The following DCC variants were observed in gnomAD, a reference collection of about 807,000 sequenced individuals.
DCC encodes netrin receptor DCC.
DCC carries 58 observed loss-of-function variants against 172.5 expected under a neutral mutation model. That is an observed-to-expected ratio of 0.34 (90% CI 0.27 to 0.42). DCC has a LOEUF of 0.42. Ranked by LOEUF, DCC falls within the 10% of genes least tolerant of loss-of-function variation. The probability of loss-of-function intolerance (pLI) is 1.00; values close to 1 mark genes in which losing one functional copy is unlikely to be tolerated. For synonymous variants in DCC, 709 were observed against 644.5 expected, an observed-to-expected ratio of 1.10 and a Z score of -1.52; for missense variants, 1,740 against 1,791.0, an observed-to-expected ratio of 0.97 and a Z score of 0.51.
At chr18:52,738,745 GTT>G (rs576773481) in intron 1 of DCC, among the ~76,000 whole-genome samples, 4 of 138,676 alleles carry the variant, frequency 2.9e-5, no homozygotes, top group Admixed American at 7.2e-5. Flanking sequence ...TTCTTTCTTT[GTT>G]TTTTTTTTTT....
intron 21 of DCC, among the ~76,000 whole-genome samples, chr18:53,423,032 C>A (rs13381096): frequency 0.31 from 47,299 of 151,902 alleles, 9,033 homozygotes; most frequent in Non-Finnish European, 0.45. Flanking sequence ...ATGTTCCCAG[C>A]AAGCAGTCAA....
intron 3 of DCC, among the ~76,000 whole-genome samples, chr18:52,919,676 A>G (rs1464345118): frequency 6.6e-6 from 1 of 151,912 alleles, no homozygotes; most frequent in Non-Finnish European, 1.5e-5. Context: ...TGCCTGGACC[A>G]CTGATATTTT....
chr18:52,747,307 A>G (rs986904271), intron 1 of DCC, among the ~76,000 whole-genome samples: 2 of 152,182 alleles, frequency 1.3e-5, no homozygotes, highest in Admixed American at 1.3e-4. Flanking sequence ...TTTATGAAGC[A>G]AGGCTTGGAA....
At chr18:52,707,845 C>A (rs2036233910) in intron 1 of DCC, among the ~76,000 whole-genome samples, 1 of 152,056 alleles carries the variant, frequency 6.6e-6, no homozygotes, top group East Asian at 1.9e-4. Flanking sequence ...TAGTGGCTAC[C>A]AGACCCTGGG....
At chr18:52,469,421 A>G (rs1027803223) in intron 1 of DCC, among the ~76,000 whole-genome samples, 3 of 152,214 alleles carry the variant, frequency 2.0e-5, no homozygotes, top group African/African-American at 7.2e-5. Flanking sequence ...ATTAGCCAAC[A>G]GTTTATTTTA....
intron 1 of DCC, among the ~76,000 whole-genome samples, chr18:52,546,529 C>T (rs879722300): frequency 2.0e-5 from 3 of 152,066 alleles, no homozygotes; most frequent in Non-Finnish European, 4.4e-5. Context: ...GACTCATAGC[C>T]TAGCATGGTA....
chr18:52,983,531 A>G (rs2041243622), intron 5 of DCC, among the ~76,000 whole-genome samples: 1 of 152,188 alleles, frequency 6.6e-6, no homozygotes, highest in South Asian at 2.1e-4. Flanking sequence ...CCAAAAGAGA[A>G]GAGGGTCAGT....
At chr18:53,362,545 G>T (rs935539694) in intron 15 of DCC, among the ~76,000 whole-genome samples, 4 of 152,240 alleles carry the variant, frequency 2.6e-5, no homozygotes, top group African/African-American at 9.6e-5. Context: ...AAAAGTGTAG[G>T]AAGAGAAAAC....
At chr18:52,688,695 T>A (rs1034707101) in intron 1 of DCC, among the ~76,000 whole-genome samples, 1 of 152,126 alleles carries the variant, frequency 6.6e-6, no homozygotes, top group Non-Finnish European at 1.5e-5. Context: ...GATCTTCATT[T>A]GCTTCACTAT....
chr18:52,932,527 G>A (rs1259165657), intron 5 of DCC, among the ~76,000 whole-genome samples: 2 of 152,120 alleles, frequency 1.3e-5, no homozygotes, highest in Non-Finnish European at 2.9e-5. Flanking sequence ...TTCAGTAGGA[G>A]CCATTAAGTT....
intron 14 of DCC, among the ~76,000 whole-genome samples, chr18:53,331,337 G>A (rs1401905477): frequency 6.6e-6 from 1 of 152,236 alleles, no homozygotes; most frequent in Non-Finnish European, 1.5e-5. Flanking sequence ...CAAGGACTAA[G>A]ATCTCTGCCT....
intron 15 of DCC, among the ~76,000 whole-genome samples, chr18:53,363,847 G>C (rs1281684005): frequency 6.6e-6 from 1 of 152,134 alleles, no homozygotes; most frequent in Admixed American, 6.6e-5. Context: ...TGAGTCTTCA[G>C]TGTTTTGCCT....
intron 23 of DCC, among the ~76,000 whole-genome samples, chr18:53,452,559 A>G (rs1198049747): frequency 1.3e-5 from 2 of 152,252 alleles, no homozygotes; most frequent in Non-Finnish European, 2.9e-5. Context: ...ATCCTACCCT[A>G]AGCACTTTGG....
At chr18:53,275,179 T>G (rs2056791224) in intron 12 of DCC, among the ~76,000 whole-genome samples, 1 of 152,124 alleles carries the variant, frequency 6.6e-6, no homozygotes, top group Non-Finnish European at 1.5e-5. Context: ...GCCTCCCATC[T>G]TAAGAGATAA....
chr18:53,093,845 G>A lies in DCC; in HGVS notation c.1261+27679G>A, dbSNP rs201975314. Among the ~76,000 whole-genome samples, 7 of 152,208 alleles carry A rather than the reference G, an allele frequency of 4.6e-5. No individual in the cohort carries two copies. In the East Asian group the frequency reaches 9.7e-4, roughly 21 times the overall value. Reference sequence around the variant, plus strand: ...GACAGATTTGTATTCAGCGATAAACGCCTGACCTTGCTCTACTCTCTCATC... The same window carrying A: ...GACAGATTTGTATTCAGCGATAAACACCTGACCTTGCTCTACTCTCTCATC... On this transcript the variant is annotated intron_variant, in intron 7 of 28. Coordinates refer to ENST00000442544, the MANE Select transcript of DCC (RefSeq NM_005215.4).
At chr18:53,382,661 C>T (rs891286923) in intron 15 of DCC, among the ~76,000 whole-genome samples, 4 of 152,104 alleles carry the variant, frequency 2.6e-5, no homozygotes, top group African/African-American at 9.7e-5. Flanking sequence ...ACTTGGATCT[C>T]AAAGCGCATT....
intron 1 of DCC, among the ~76,000 whole-genome samples, chr18:52,590,158 GGTGT>G (rs4041438): frequency 2.9e-4 from 43 of 148,596 alleles, no homozygotes; most frequent in East Asian, 4.0e-4. Context: ...TGGTATAAAT[GGTGT>G]GTGTGTGTGT....
rs376436138 is a variant in DCC at position 52,605,918 on chromosome 18, G to A, written c.92-146136G>A. On this transcript the variant is annotated intron_variant, in intron 1 of 28. Transcript: ENST00000442544. ...GGTTGAGGTTAGGTGAGTAATTGTC[G>A]TATCAATTAAGTAAATTAAACTAAT... Among the ~76,000 whole-genome samples the A allele has an allele frequency of 3.4e-4, 52 of 152,100 alleles. No individual in the cohort carries two copies. The South Asian group carries it at 9.7e-3, about 28-fold the overall frequency.
intron 23 of DCC, among the ~76,000 whole-genome samples, chr18:53,456,001 CAG>C (rs1355450547): frequency 6.6e-6 from 1 of 152,128 alleles, no homozygotes; most frequent in Non-Finnish European, 1.5e-5. Flanking sequence ...GTAAAGGAAA[CAG>C]AGTTTGCTCC....
Sources: allele counts gnomAD v4.1 joint callset (sites outside exome capture counted in the v4.1 genomes callset), GRCh38; gene constraint gnomAD v4.1.1; transcripts MANE v1.5; gene names NCBI Gene and HGNC (gene_info 2026-07-23, HGNC 2026-07-21).